The following ZMAT3 variants were observed in gnomAD, a reference collection of about 807,000 sequenced individuals.
ZMAT3 encodes zinc finger matrin-type 3.
A neutral mutation model predicts 32.3 loss-of-function variants in ZMAT3; 17 were observed. That is an observed-to-expected ratio of 0.53 (90% CI 0.36 to 0.79). ZMAT3 has a LOEUF of 0.79. ZMAT3 is among the 30% of genes least tolerant of loss of function. ZMAT3 has a pLI of 0.00. For synonymous variants in ZMAT3, 120 were observed against 133.1 expected (o/e 0.90, Z 0.68); for missense variants, 329 against 359.7 (o/e 0.91, Z 0.69).
At chr3:179,050,626 A>G (rs78884107) in intron 2 of ZMAT3, among the ~76,000 whole-genome samples, 25,205 of 152,114 alleles carry the variant, frequency 0.17, 2,263 homozygotes, top group African/African-American at 0.25. Flanking sequence ...TATGAAGTCC[A>G]TATCACCCTA....
chr3:179,069,145 G>C (rs1025053418), intron 1 of ZMAT3, among the ~76,000 whole-genome samples: 1 of 152,034 alleles, frequency 6.6e-6, no homozygotes, highest in Non-Finnish European at 1.5e-5. Flanking sequence ...CACAAAATAA[G>C]GTATCAAGGA....
In ZMAT3 at chr3:179,018,393, A is replaced by T. The variant is rs890476788; in HGVS notation, c.*6624T>A. 6.6e-6 allele frequency: 1 copy of T among 152,120 alleles called. No individual in the cohort carries two copies. Among genetic ancestry groups the T allele is most frequent in the Non-Finnish European group, 1.5e-5 (1 of 68,018 alleles). 9.4% of individuals were successfully genotyped at this position (152,120 alleles called of 1,614,324 possible). A position where few individuals can be genotyped will look rare whatever the true frequency, so the allele number is the denominator to read the frequency against. ...GATTTTTAGCAACTGCGTCGGGCTT[A>T]ATTTGGAACTATGGCCATGAGAATA... is the stretch of plus-strand genomic sequence containing the variant. On this transcript the variant is annotated 3_prime_UTR_variant, in exon 6 of 6. Coordinates refer to ENST00000311417, the MANE Select transcript of ZMAT3 (RefSeq NM_022470.4).
At chr3:179,049,551 C>T (rs79461126) in intron 2 of ZMAT3, among the ~76,000 whole-genome samples, 1 of 152,138 alleles carries the variant, frequency 6.6e-6, no homozygotes, top group African/African-American at 2.4e-5. Context: ...AATTAAATAA[C>T]CTGCTCCTGA....
chr3:179,031,895 A>C (rs1358441625), intron 2 of ZMAT3, among the ~76,000 whole-genome samples: 6 of 139,444 alleles, frequency 4.3e-5, no homozygotes, highest in African/African-American at 1.3e-4. Flanking sequence ...TGACAAAGTT[A>C]GATTCTGTCT....
At chr3:179,030,298 C>T (rs1461914320) in intron 3 of ZMAT3, among the ~76,000 whole-genome samples, 1 of 151,570 alleles carries the variant, frequency 6.6e-6, no homozygotes, top group African/African-American at 2.4e-5. Context: ...GTTTGAAAAT[C>T]TCTCTTTTCA....
chr3:179,031,509 G>A (rs1011954991), intron 2 of ZMAT3, among the ~76,000 whole-genome samples: 1 of 152,176 alleles, frequency 6.6e-6, no homozygotes, highest in African/African-American at 2.4e-5. Context: ...GCTAGATCTT[G>A]AAGTAAAAGA....
At chr3:179,037,405 A>G (rs1719656419) in intron 2 of ZMAT3, among the ~76,000 whole-genome samples, 1 of 152,172 alleles carries the variant, frequency 6.6e-6, no homozygotes, top group Admixed American at 6.5e-5. Flanking sequence ...CCTCATCTAG[A>G]CAACGACACC....
chr3:179,042,178 C>A (rs999178321), intron 2 of ZMAT3, among the ~76,000 whole-genome samples: 18 of 152,162 alleles, frequency 1.2e-4, no homozygotes, highest in African/African-American at 4.1e-4. Flanking sequence ...TGGTACCATT[C>A]CTTCTGAAAC....
intron 2 of ZMAT3, among the ~76,000 whole-genome samples, chr3:179,036,113 T>C (rs544816292): frequency 3.8e-4 from 58 of 152,330 alleles, no homozygotes; most frequent in Non-Finnish European, 6.3e-4. Context: ...TGAGGAACTT[T>C]AAGCAAAGCA....
intron 2 of ZMAT3, among the ~76,000 whole-genome samples, chr3:179,032,152 G>A (rs1463316640): frequency 1.3e-5 from 2 of 150,962 alleles, no homozygotes; most frequent in African/African-American, 2.4e-5. Flanking sequence ...GCAGGTGTGC[G>A]CCGCCACGCC....
rs1475250003 is a variant in ZMAT3, at chr3:179,017,257, C to T, written c.*7760G>A. 1 of 152,134 alleles carries T rather than the reference C, an allele frequency of 6.6e-6. No individual in the cohort carries two copies. Among genetic ancestry groups the T allele is most frequent in the African/African-American group, 2.4e-5 (1 of 41,426 alleles). The allele number at this position is 152,134 out of a possible 1,614,324, so 9.4% of individuals were successfully genotyped here. A position where few individuals can be genotyped will look rare whatever the true frequency, so the allele number is the denominator to read the frequency against. On this transcript the variant is annotated 3_prime_UTR_variant, in exon 6 of 6. Coordinates refer to ENST00000311417, the MANE Select transcript of ZMAT3 (RefSeq NM_022470.4). The stretch of plus-strand genomic sequence containing the variant: ...AAGACTCAGAAACCGTTTTATTAAA[C>T]TGGAACACAAAATGCGTGTTATAAT...
Position 179,021,397 on chromosome 3 carries a change from C to T in ZMAT3, c.*3620G>A, listed in dbSNP as rs1718532967. 6.6e-6 allele frequency: 1 copy of T among 152,162 alleles called. No individual in the cohort carries two copies. The highest frequency in any genetic ancestry group is 1.9e-4 in the East Asian group (1 of 5,192). The allele number at this position is 152,162 out of a possible 1,614,324, so 9.4% of individuals were successfully genotyped here. Reference sequence around the variant, plus strand: ...AAACACGAATTTTCTTTCTTTACAACTTCTTACCCTCAATACCTAAGAAGA... The same window carrying T: ...AAACACGAATTTTCTTTCTTTACAATTTCTTACCCTCAATACCTAAGAAGA... On this transcript the variant is annotated 3_prime_UTR_variant, in exon 6 of 6. Transcript: ENST00000311417.
chr3:179,034,205 C>T (rs1158306654), intron 2 of ZMAT3, among the ~76,000 whole-genome samples: 1 of 152,182 alleles, frequency 6.6e-6, no homozygotes, highest in East Asian at 1.9e-4. Context: ...TAAGGACTAG[C>T]ACATAGAGGA....
At chr3:179,038,016 T>C (rs1719699539) in intron 2 of ZMAT3, among the ~76,000 whole-genome samples, 2 of 151,754 alleles carry the variant, frequency 1.3e-5, no homozygotes, top group African/African-American at 2.4e-5. Context: ...TAAAACAGGA[T>C]GATATAATAG....
intron 2 of ZMAT3, among the ~76,000 whole-genome samples, chr3:179,043,288 C>T (rs1482806444): frequency 1.8e-4 from 28 of 152,302 alleles, no homozygotes; most frequent in Non-Finnish European, 3.7e-4. Flanking sequence ...GCCAAAAGAA[C>T]AAAGCTGGAG....
chr3:179,061,620 A>G (rs978142490), intron 2 of ZMAT3, among the ~76,000 whole-genome samples: 2 of 152,190 alleles, frequency 1.3e-5, no homozygotes, highest in African/African-American at 4.8e-5. Flanking sequence ...AGGAAAAACA[A>G]AAAGTTATTT....
Position 179,026,379 on chromosome 3 carries a change from C to CTTTT in ZMAT3, c.658+1040_658+1043dup, listed in dbSNP as rs1235818885. On this transcript the variant is annotated intron_variant, in intron 5 of 5. Transcript: ENST00000311417. ...CTTTTCTTAATCATAATGAATTGTG[C>CTTTT]TTTTTTTTTTTTTTTTTTTTTTTTT... 2.6e-3 allele frequency among the ~76,000 whole-genome samples: 170 copies of CTTTT among 65,942 alleles called. 8 individuals carry two copies. The highest frequency in any genetic ancestry group is 3.4e-3 in the Non-Finnish European group (124 of 36,966). 43.3% of individuals were successfully genotyped at this position (65,942 alleles called of 152,430 possible).
chr3:179,041,620 A>C (rs951523231), intron 2 of ZMAT3, among the ~76,000 whole-genome samples: 2 of 152,258 alleles, frequency 1.3e-5, no homozygotes, highest in Admixed American at 6.5e-5. Flanking sequence ...AAATGCCCAC[A>C]AGAGAAAGCA....
Position 179,022,300 on chromosome 3 carries a change from A to G in ZMAT3, c.*2717T>C, listed in dbSNP as rs1179935463. ...CAAGGGGAACCCTTCTTATAAAACT[A>G]TTTCCAATGGAAAACAAAGTGGATG... is the stretch of plus-strand genomic sequence containing the variant. On this transcript the variant is annotated 3_prime_UTR_variant, in exon 6 of 6. Coordinates refer to ENST00000311417, the MANE Select transcript of ZMAT3 (RefSeq NM_022470.4). 1 of 152,150 alleles carries G rather than the reference A, an allele frequency of 6.6e-6. No individual in the cohort carries two copies. The highest frequency in any genetic ancestry group is 1.9e-4 in the East Asian group (1 of 5,190). 9.4% of individuals were successfully genotyped at this position (152,150 alleles called of 1,614,324 possible).
Sources: gnomAD v4.1 joint callset for allele counts (sites outside exome capture counted in the v4.1 genomes callset) on GRCh38, gnomAD v4.1.1 for gene constraint, MANE v1.5 for transcripts, NCBI Gene and HGNC (gene_info 2026-07-23, HGNC 2026-07-21) for gene names.